The following STXBP5L variants were observed in gnomAD, a reference collection of about 807,000 sequenced individuals.
STXBP5L encodes the protein syntaxin binding protein 5L, also known as syntaxin-binding protein 5-like.
In STXBP5L, 65 loss-of-function variants were observed where a neutral mutation model predicts 144.5. That is an observed-to-expected ratio of 0.45 (90% CI 0.37 to 0.55). The LOEUF (loss-of-function observed/expected upper bound fraction) is 0.55, where lower values mean the gene tolerates loss of function less well. Among genes scored for constraint, STXBP5L ranks in the 20% least tolerant of loss-of-function variants. The pLI, the probability that STXBP5L is intolerant of heterozygous loss-of-function variation, is 0.00. For synonymous variants in STXBP5L, 505 were observed against 469.6 expected (o/e 1.08, Z -0.97); for missense variants, 1,298 against 1,405.5 (o/e 0.92, Z 1.22).
chr3:121,314,121 C>A (rs2043681480), intron 19 of STXBP5L, among the ~76,000 whole-genome samples: 3 of 136,616 alleles, frequency 2.2e-5, no homozygotes, highest in Non-Finnish European at 4.8e-5. Flanking sequence ...GACTGGGCAG[C>A]CAGGCAGAGG....
intron 3 of STXBP5L, among the ~76,000 whole-genome samples, chr3:120,997,219 C>G (rs995287099): frequency 6.6e-6 from 1 of 152,142 alleles, no homozygotes; most frequent in Admixed American, 6.6e-5. Flanking sequence ...GATTCCATGT[C>G]TTTCCTATTG....
At chr3:121,151,633 T>C (rs1055551714) in intron 7 of STXBP5L, among the ~76,000 whole-genome samples, 1 of 152,148 alleles carries the variant, frequency 6.6e-6, no homozygotes, top group Non-Finnish European at 1.5e-5. Context: ...GGAATACTAC[T>C]AATGTATTTG....
At chr3:121,340,209 T>G (rs1386607249) in intron 20 of STXBP5L, among the ~76,000 whole-genome samples, 1 of 152,158 alleles carries the variant, frequency 6.6e-6, no homozygotes, top group Non-Finnish European at 1.5e-5. Flanking sequence ...AGTAGATACG[T>G]AGACCAATAG....
chr3:121,094,318 G>C (rs931143967), intron 5 of STXBP5L, among the ~76,000 whole-genome samples: 1 of 152,104 alleles, frequency 6.6e-6, no homozygotes, highest in Non-Finnish European at 1.5e-5. Context: ...TCCAATTCCT[G>C]GGTATCCTTG....
At chr3:121,223,724 T>G (rs1336273335) in intron 11 of STXBP5L, among the ~76,000 whole-genome samples, 3 of 152,142 alleles carry the variant, frequency 2.0e-5, no homozygotes, top group Admixed American at 2.0e-4. Flanking sequence ...ATACTGAATA[T>G]AAAGACTTTT....
intron 2 of STXBP5L, among the ~76,000 whole-genome samples, chr3:120,917,550 G>T (rs1462965194): frequency 2.0e-5 from 3 of 152,022 alleles, no homozygotes; most frequent in Non-Finnish European, 4.4e-5. Flanking sequence ...ATAGCAAGGG[G>T]TGGCCATGGT....
chr3:121,301,673 G>C (rs2051913135), intron 19 of STXBP5L, among the ~76,000 whole-genome samples: 1 of 152,134 alleles, frequency 6.6e-6, no homozygotes, highest in South Asian at 2.1e-4. Context: ...GATGATATTG[G>C]CTGTGGGTTT....
At chr3:121,290,540 C>T (rs977378931) in intron 19 of STXBP5L, among the ~76,000 whole-genome samples, 2 of 152,032 alleles carry the variant, frequency 1.3e-5, no homozygotes, top group African/African-American at 4.8e-5. Flanking sequence ...AGGGAATCCT[C>T]CCCCCAAATC....
intron 3 of STXBP5L, among the ~76,000 whole-genome samples, chr3:120,957,131 C>T (rs1387124168): frequency 6.6e-6 from 1 of 151,886 alleles, no homozygotes; most frequent in Non-Finnish European, 1.5e-5. Context: ...TTTGATCATA[C>T]ATGTTAGGGT....
At chr3:121,360,947 C>G (rs190185817) in intron 20 of STXBP5L, among the ~76,000 whole-genome samples, 1 of 152,228 alleles carries the variant, frequency 6.6e-6, no homozygotes, top group East Asian at 1.9e-4. Context: ...GATTGAAACA[C>G]TTCCTTTAGC....
intron 3 of STXBP5L, among the ~76,000 whole-genome samples, chr3:120,984,684 A>C (rs1271491544): frequency 8.2e-6 from 1 of 121,614 alleles, no homozygotes; most frequent in African/African-American, 3.3e-5. Flanking sequence ...AACTTCTAGT[A>C]AGTACCATGT....
rs78116691 is a variant in STXBP5L, at chr3:121,077,451, A to T, written c.470+31916A>T. ...TGGTGGATTCGTGGTCTCGCTGGCTAGGAGTGAAGCTGCAGACCTTCACGG... is the reference window on the plus strand; with the variant it reads ...TGGTGGATTCGTGGTCTCGCTGGCTTGGAGTGAAGCTGCAGACCTTCACGG... On this transcript the variant is annotated intron_variant, in intron 5 of 26. Coordinates refer to ENST00000471454, the MANE Select transcript of STXBP5L (RefSeq NM_001308330.2). 7.9e-3 allele frequency among the ~76,000 whole-genome samples: 1,196 copies of T among 152,226 alleles called. 13 individuals are homozygous for T. The highest frequency in any genetic ancestry group is 0.028 in the African/African-American group (1,153 of 41,534).
At chr3:121,060,175 G>A (rs2041195383) in intron 5 of STXBP5L, among the ~76,000 whole-genome samples, 1 of 152,138 alleles carries the variant, frequency 6.6e-6, no homozygotes, top group Admixed American at 6.6e-5. Context: ...AGTGTTTTTA[G>A]CATGAAATGG....
intron 5 of STXBP5L, among the ~76,000 whole-genome samples, chr3:121,075,130 C>G (rs1203900889): frequency 6.6e-6 from 1 of 152,156 alleles, no homozygotes; most frequent in Admixed American, 6.5e-5. Flanking sequence ...CTGATTAAAT[C>G]CATATCTGAC....
intron 2 of STXBP5L, among the ~76,000 whole-genome samples, chr3:120,921,913 T>A (rs1709376747): frequency 6.6e-6 from 1 of 152,060 alleles, no homozygotes; most frequent in South Asian, 2.1e-4. Flanking sequence ...CCTCTAGCTT[T>A]GTTGTTTTGC....
chr3:121,341,584 A>G (rs2044715014), intron 20 of STXBP5L, among the ~76,000 whole-genome samples: 1 of 152,182 alleles, frequency 6.6e-6, no homozygotes, highest in Non-Finnish European at 1.5e-5. Flanking sequence ...TTGCAGCACT[A>G]TTCACAGTAG....
At chr3:121,058,995 T>G (rs1043477585) in intron 5 of STXBP5L, among the ~76,000 whole-genome samples, 1 of 152,206 alleles carries the variant, frequency 6.6e-6, no homozygotes, top group Non-Finnish European at 1.5e-5. Context: ...CATTTGTCAA[T>G]TTTGCCTTTT....
intron 9 of STXBP5L, among the ~76,000 whole-genome samples, chr3:121,168,585 A>G (rs184684229): frequency 2.0e-5 from 3 of 152,310 alleles, no homozygotes; most frequent in South Asian, 2.1e-4. Flanking sequence ...GTAAGACAGG[A>G]TAACAGAGAT....
intron 3 of STXBP5L, among the ~76,000 whole-genome samples, chr3:120,961,694 T>C (rs1447124570): frequency 6.6e-6 from 1 of 152,198 alleles, no homozygotes; most frequent in Admixed American, 6.5e-5. Context: ...TTGGGATGCT[T>C]CCAAGTCTTT....
Sources: gnomAD v4.1 joint callset for allele counts (sites outside exome capture counted in the v4.1 genomes callset) on GRCh38, gnomAD v4.1.1 for gene constraint, MANE v1.5 for transcripts, NCBI Gene and HGNC (gene_info 2026-07-23, HGNC 2026-07-21) for gene names.